Variants in RASGRF2 observed in about 807,000 individuals in gnomAD.
RASGRF2 encodes the protein Ras protein specific guanine nucleotide releasing factor 2.
RASGRF2 carries 76 observed loss-of-function variants against 151.0 expected under a neutral mutation model. The observed-to-expected ratio is 0.50, with a 90% CI of 0.42 to 0.61. The LOEUF (loss-of-function observed/expected upper bound fraction) is 0.61, where lower values mean the gene tolerates loss of function less well. RASGRF2 is among the 20% of genes least tolerant of loss of function. RASGRF2 has a pLI of 0.00. For missense variants in RASGRF2, 1,148 were observed against 1,564.6 expected (o/e 0.73, Z 4.49); for synonymous variants, 504 against 566.5 (o/e 0.89, Z 1.57).
chr5:81,118,226 A>T (rs1161352871), intron 15 of RASGRF2, among the ~76,000 whole-genome samples: 1 of 152,240 alleles, frequency 6.6e-6, no homozygotes, highest in African/African-American at 2.4e-5. Flanking sequence ...GGCTCTCTGC[A>T]GCATCCTTTG....
At chr5:81,098,064 A>G (rs571913573) in intron 12 of RASGRF2, among the ~76,000 whole-genome samples, 11 of 152,328 alleles carry the variant, frequency 7.2e-5, no homozygotes, top group African/African-American at 2.6e-4. Context: ...CCAGCATGGC[A>G]GGAGTGGAGT....
chr5:81,222,067 A>G (rs559176031), intron 26 of RASGRF2, among the ~76,000 whole-genome samples: 6 of 152,320 alleles, frequency 3.9e-5, no homozygotes, highest in Admixed American at 2.0e-4. Context: ...ATTTCTGCCA[A>G]AAGCTCTAGT....
intron 18 of RASGRF2, among the ~76,000 whole-genome samples, chr5:81,198,533 G>A (rs900768542): frequency 3.3e-5 from 5 of 151,974 alleles, no homozygotes; most frequent in Non-Finnish European, 7.4e-5. Flanking sequence ...TCCGCCTGCC[G>A]GGTTCACACC....
intron 26 of RASGRF2, among the ~76,000 whole-genome samples, chr5:81,224,662 A>G (rs1391184054): frequency 6.6e-6 from 1 of 152,244 alleles, no homozygotes; most frequent in East Asian, 1.9e-4. Context: ...GAATGGATAA[A>G]CAAATTATGG....
chr5:81,083,098 C>CTTGT (rs987083091), intron 7 of RASGRF2, among the ~76,000 whole-genome samples: 12 of 152,190 alleles, frequency 7.9e-5, no homozygotes, highest in Non-Finnish European at 1.8e-4. Flanking sequence ...CTCTCTCCTT[C>CTTGT]TTGTTCCCTT....
At chr5:81,107,494 CTG>C (rs1456537621) in intron 12 of RASGRF2, among the ~76,000 whole-genome samples, 7 of 152,216 alleles carry the variant, frequency 4.6e-5, no homozygotes, top group Non-Finnish European at 1.0e-4. Context: ...TTCTACTAAA[CTG>C]TGAATTTCGT....
At chr5:81,074,476 G>A (rs561842188) in intron 5 of RASGRF2, among the ~76,000 whole-genome samples, 9 of 152,178 alleles carry the variant, frequency 5.9e-5, no homozygotes, top group Admixed American at 4.6e-4. Context: ...CTGTCCACCC[G>A]ATTCCCCCCA....
At chr5:80,994,327 C>T (rs1291712021) in intron 1 of RASGRF2, among the ~76,000 whole-genome samples, 3 of 144,842 alleles carry the variant, frequency 2.1e-5, no homozygotes, top group Non-Finnish European at 4.5e-5. Context: ...GATTGCACCA[C>T]TGCACTCCAG....
intron 16 of RASGRF2, 113 bp from the exon 17 acceptor site, chr5:81,126,961 C>A: frequency 9.1e-7 from 1 of 1,100,822 alleles, no homozygotes; most frequent in Non-Finnish European, 1.3e-6. Flanking sequence ...AGAGATAATA[C>A]AGGGCATTTG....
At position 81,113,144 on chromosome 5, in the gene RASGRF2, CT is replaced by C. The variant is rs11421444; in HGVS notation, c.2087+297del. ...GCTTTTCTTTTTTCTTTCTTTCTTT[CT>C]TTTTTTTTTTGACAATTATGATTTT... is the stretch of plus-strand genomic sequence containing the variant. On this transcript the variant is annotated intron_variant, in intron 14 of 26. Coordinates refer to ENST00000265080, the MANE Select transcript of RASGRF2 (RefSeq NM_006909.3). Among the ~76,000 whole-genome samples the C allele has an allele frequency of 3.4e-3, 494 of 146,488 alleles. 1 individual carries two copies. The highest frequency in any genetic ancestry group is 9.3e-3 in the African/African-American group (372 of 40,202).
At position 81,201,317 on chromosome 5, in the gene RASGRF2, T is replaced by C; in HGVS notation, c.2794-13T>C. ...CAAAGCTAAAATTTAAAAAGATTCA[T>C]TTTATTTTACAGGATTTCGAACTCA... is the stretch of plus-strand genomic sequence containing the variant. On this transcript the variant is annotated splice_polypyrimidine_tract_variant and intron_variant, in intron 18 of 26. Transcript: ENST00000265080. The C allele has an allele frequency of 6.2e-7, 1 of 1,604,336 alleles. No individual in the cohort carries two copies. Among genetic ancestry groups the C allele is most frequent in the Non-Finnish European group, 8.5e-7 (1 of 1,176,352 alleles).
At chr5:81,105,816 G>A (rs570275876) in intron 12 of RASGRF2, among the ~76,000 whole-genome samples, 3 of 152,110 alleles carry the variant, frequency 2.0e-5, no homozygotes, top group South Asian at 4.2e-4. Flanking sequence ...CCCTGACCCC[G>A]CCACATAGCT....
chr5:81,218,947 T>TAA (rs1015766068), intron 25 of RASGRF2, among the ~76,000 whole-genome samples: 1 of 152,144 alleles, frequency 6.6e-6, no homozygotes, highest in Non-Finnish European at 1.5e-5. Flanking sequence ...TATTCCTAAG[T>TAA]ATTGATTGAG....
At chr5:81,044,326 G>C (rs1307577916) in intron 2 of RASGRF2, among the ~76,000 whole-genome samples, 2 of 152,100 alleles carry the variant, frequency 1.3e-5, no homozygotes, top group Admixed American at 1.3e-4. Context: ...GCTGAGGTGG[G>C]AGAATTGCTC....
chr5:81,027,369 C>G (rs889701023), intron 1 of RASGRF2, among the ~76,000 whole-genome samples: 1 of 152,166 alleles, frequency 6.6e-6, no homozygotes, highest in Admixed American at 6.5e-5. Flanking sequence ...ACTTTCTGTT[C>G]AGTTTTTCTG....
intron 1 of RASGRF2, among the ~76,000 whole-genome samples, chr5:81,031,506 C>T (rs4509008): frequency 0.081 from 12,357 of 152,172 alleles, 727 homozygotes; most frequent in East Asian, 0.16. Flanking sequence ...CACTCAAAAC[C>T]GCTCAACTAC....
intron 16 of RASGRF2, among the ~76,000 whole-genome samples, chr5:81,125,186 C>T (rs1464172110): frequency 4.6e-5 from 7 of 152,150 alleles, no homozygotes; most frequent in Non-Finnish European, 8.8e-5. Context: ...TGCGCCCAGC[C>T]TATAAAGGCA....
chr5:81,043,032 T>C (rs755021059), intron 2 of RASGRF2, 49 bp downstream of exon 2: 1 of 1,417,292 alleles, frequency 7.1e-7, no homozygotes, highest in Non-Finnish European at 9.8e-7. Context: ...GGGTCCTGCA[T>C]TGGGGTTATC....
chr5:81,197,383 G>A (rs1755288942), intron 18 of RASGRF2, among the ~76,000 whole-genome samples: 2 of 137,222 alleles, frequency 1.5e-5, no homozygotes, highest in African/African-American at 5.5e-5. Context: ...GTGAACCCGG[G>A]AAGCGGAGCT....
Sources: gnomAD v4.1 joint callset for allele counts (sites outside exome capture counted in the v4.1 genomes callset) on GRCh38, gnomAD v4.1.1 for gene constraint, MANE v1.5 for transcripts, NCBI Gene and HGNC (gene_info 2026-07-23, HGNC 2026-07-21) for gene names.